PDE4D: variants seen among roughly 807,000 people sequenced by gnomAD.
PDE4D encodes 3',5'-cyclic-AMP phosphodiesterase 4D.
PDE4D carries 24 observed loss-of-function variants against 87.4 expected under a neutral mutation model. The ratio of observed to expected loss-of-function variants is 0.27; its 90% CI spans 0.20 to 0.39. The LOEUF (loss-of-function observed/expected upper bound fraction) is 0.39. Ranked by LOEUF, PDE4D falls within the 10% of genes least tolerant of loss-of-function variation. PDE4D has a pLI of 1.00. For missense variants in PDE4D, 714 were observed against 1,041.0 expected (o/e 0.69, Z 4.32); for synonymous variants, 384 against 383.2 (o/e 1.00, Z -0.02).
At chr5:59,895,827 T>C (rs1290854919), upstream of PDE4D, among the ~76,000 whole-genome samples, 2 of 152,234 alleles carry the variant, frequency 1.3e-5, no homozygotes, top group Non-Finnish European at 2.9e-5. Context: ...CCAGATTAAA[T>C]TGGAATAATT....
chr5:60,175,515 T>G (rs180893454), intron 2 of PDE4D, among the ~76,000 whole-genome samples: 6 of 152,170 alleles, frequency 3.9e-5, no homozygotes, highest in African/African-American at 1.4e-4. Context: ...TGTAGGACAG[T>G]AGATACTGAG....
At chr5:59,355,675 G>A (rs1023883206) in intron 1 of PDE4D, among the ~76,000 whole-genome samples, 1 of 151,670 alleles carries the variant, frequency 6.6e-6, no homozygotes, top group African/African-American at 2.4e-5. Context: ...CCTTTAGCTG[G>A]CAAATTATAT....
intron 3 of PDE4D, among the ~76,000 whole-genome samples, chr5:59,188,256 A>T (rs1743373302): frequency 6.6e-6 from 1 of 152,082 alleles, no homozygotes; most frequent in Admixed American, 6.6e-5. Flanking sequence ...AATTAAGGTC[A>T]TTTCTTTCTC....
rs148845555 is a variant in PDE4D at position 60,180,938 on chromosome 5, G to C, written c.42+4619C>G. On this transcript the variant is annotated intron_variant, in intron 2 of 16. Coordinates refer to the PDE4D transcript ENST00000502484. ...TAGGATTCTAAGCTGCAACAGCTTT[G>C]TCAATCTCGTAGCTTAGGTGGGGTT... Among the ~76,000 whole-genome samples, 64 of 152,210 alleles carry C rather than the reference G, an allele frequency of 4.2e-4. 3 individuals carry two copies. In the East Asian group the frequency reaches 0.012, roughly 28 times the overall value.
chr5:59,186,156 T>C (rs1159505230), intron 3 of PDE4D, among the ~76,000 whole-genome samples: 1 of 152,190 alleles, frequency 6.6e-6, no homozygotes, highest in Non-Finnish European at 1.5e-5. Context: ...GCTAGAGTGC[T>C]AAGTTTATGT....
rs748608669 is a variant in PDE4D, at chr5:59,205,698, A to ACG, written c.647+10078_647+10079insCG. Among the ~76,000 whole-genome samples, 157 of 145,552 alleles carry ACG rather than the reference A, an allele frequency of 1.1e-3. 1 individual carries two copies. Among genetic ancestry groups the ACG allele is most frequent in the Middle Eastern group, 3.5e-3 (1 of 282 alleles). ...CACACACACACACACACACACACACACCAATCCACAAAAACAAAACTGATC... is the reference window on the plus strand; with the variant it reads ...CACACACACACACACACACACACACACGCCAATCCACAAAAACAAAACTGATC... On this transcript the variant is annotated intron_variant, in intron 2 of 14. Coordinates refer to ENST00000340635, the MANE Select transcript of PDE4D (RefSeq NM_001104631.2).
intron 1 of PDE4D, among the ~76,000 whole-genome samples, chr5:59,667,719 G>C (rs1245172990): frequency 6.6e-6 from 1 of 152,080 alleles, no homozygotes; most frequent in African/African-American, 2.4e-5. Flanking sequence ...ATCTGTCCCT[G>C]AGTCTTTCCA....
chr5:59,961,681 T>C (rs1190659025), intron 3 of PDE4D, among the ~76,000 whole-genome samples: 3 of 152,126 alleles, frequency 2.0e-5, no homozygotes, highest in Non-Finnish European at 4.4e-5. Context: ...ATAATTGCTA[T>C]GGATATAAAT....
At chr5:59,473,413 GC>G in intron 1 of PDE4D, among the ~76,000 whole-genome samples, 1 of 151,974 alleles carries the variant, frequency 6.6e-6, no homozygotes, top group Non-Finnish European at 1.5e-5. Flanking sequence ...TATATCTAAA[GC>G]CTGTACTTAA....
chr5:59,920,597 C>G (rs6869787), intron 3 of PDE4D, among the ~76,000 whole-genome samples: 3,184 of 152,174 alleles, frequency 0.021, 116 homozygotes, highest in African/African-American at 0.073. Flanking sequence ...GTTAGGGGAA[C>G]AGACCCTGGA....
intron 1 of PDE4D, among the ~76,000 whole-genome samples, chr5:60,317,172 T>A (rs930499638): frequency 2.4e-4 from 37 of 152,256 alleles, no homozygotes; most frequent in African/African-American, 8.7e-4. Flanking sequence ...AGAGTCTGTT[T>A]TTGGTCTATT....
rs562648989 is a variant in PDE4D, at chr5:59,418,661, T to G, written c.456-202693A>C. ...ATTTACCTAACAATTTTTTTTTTGT[T>G]TTTTTGAGACAGAGTCTTACTCTGT... On this transcript the variant is annotated intron_variant, in intron 1 of 14. Coordinates refer to ENST00000340635, the MANE Select transcript of PDE4D (RefSeq NM_001104631.2). 1.6e-4 allele frequency among the ~76,000 whole-genome samples: 24 copies of G among 151,174 alleles called. No individual in the cohort carries two copies. In the South Asian group the frequency reaches 4.8e-3, roughly 30 times the overall value.
intron 2 of PDE4D, among the ~76,000 whole-genome samples, chr5:60,036,861 T>C (rs1392268540): frequency 6.6e-6 from 1 of 152,206 alleles, no homozygotes; most frequent in East Asian, 1.9e-4. Context: ...CTGTGCTTTG[T>C]CTATAAATGG....
At chr5:60,174,370 G>A (rs1783737556) in intron 2 of PDE4D, among the ~76,000 whole-genome samples, 1 of 152,046 alleles carries the variant, frequency 6.6e-6, no homozygotes, top group Non-Finnish European at 1.5e-5. Flanking sequence ...TACATGGACG[G>A]GAGTGACAGA....
chr5:59,735,838 T>A (rs537670714), intron 1 of PDE4D, among the ~76,000 whole-genome samples: 43 of 152,206 alleles, frequency 2.8e-4, no homozygotes, highest in Admixed American at 1.9e-3. Flanking sequence ...AGATAATTTT[T>A]AAATATTTTT....
At chr5:59,525,019 G>A (rs755009522) in intron 1 of PDE4D, among the ~76,000 whole-genome samples, 26 of 152,334 alleles carry the variant, frequency 1.7e-4, no homozygotes, top group Non-Finnish European at 3.5e-4. Flanking sequence ...CTGGGGCAGT[G>A]CAGTAGGAAA....
At chr5:60,315,804 C>A (rs557487752) in intron 1 of PDE4D, among the ~76,000 whole-genome samples, 4 of 151,274 alleles carry the variant, frequency 2.6e-5, no homozygotes, top group Non-Finnish European at 4.4e-5. Flanking sequence ...TGTAGATATG[C>A]AGCATTATTT....
intron 5 of PDE4D, among the ~76,000 whole-genome samples, chr5:59,103,266 A>G (rs542558057): frequency 3.3e-5 from 5 of 152,300 alleles, no homozygotes; most frequent in African/African-American, 1.2e-4. Flanking sequence ...TATATATTAC[A>G]AAGACCCAGT....
At chr5:59,119,920 T>A (rs989141139) in intron 5 of PDE4D, among the ~76,000 whole-genome samples, 1 of 152,148 alleles carries the variant, frequency 6.6e-6, no homozygotes, top group Non-Finnish European at 1.5e-5. Context: ...TCATGGCTCA[T>A]TGTAACCTCA....
Sources: gnomAD v4.1 joint callset for allele counts (sites outside exome capture counted in the v4.1 genomes callset) on GRCh38, gnomAD v4.1.1 for gene constraint, MANE v1.5 for transcripts, NCBI Gene and HGNC (gene_info 2026-07-23, HGNC 2026-07-21) for gene names.